NBEA: variants seen among roughly 807,000 people sequenced by gnomAD.
The protein encoded by NBEA is lysosomal-trafficking regulator 2.
Under a neutral mutation model 343.4 loss-of-function variants are expected in NBEA, and 44 were observed. The observed-to-expected ratio is 0.13, with a 90% confidence interval of 0.10 to 0.16. NBEA has a LOEUF of 0.16. NBEA is among the 10% of genes least tolerant of loss of function. The pLI is 1.00. For missense variants in NBEA, 2,555 were observed against 3,631.3 expected, an observed-to-expected ratio of 0.70 and a Z score of 7.62; for synonymous variants, 1,175 against 1,238.7, an observed-to-expected ratio of 0.95 and a Z score of 1.08.
At chr13:35,656,496 G>A (rs558481004) in intron 55 of NBEA, among the ~76,000 whole-genome samples, 3 of 152,294 alleles carry the variant, frequency 2.0e-5, no homozygotes, top group East Asian at 1.9e-4. Flanking sequence ...TTTTATTTAT[G>A]TAAGAGAAGT....
At chr13:34,968,049 A>G (rs2059880894) in intron 1 of NBEA, among the ~76,000 whole-genome samples, 1 of 152,118 alleles carries the variant, frequency 6.6e-6, no homozygotes, top group Non-Finnish European at 1.5e-5. Flanking sequence ...TGTAATCACT[A>G]GAATGACTCA....
chr13:34,999,808 G>GC (rs11421786), intron 1 of NBEA, among the ~76,000 whole-genome samples: 140,899 of 152,072 alleles, frequency 0.93, 65,764 homozygotes, highest in Non-Finnish European at 0.99. Context: ...TAGGTAACTT[G>GC]ATAAGGTTAT....
intron 17 of NBEA, among the ~76,000 whole-genome samples, chr13:35,139,483 T>TA (rs200227215): frequency 1.4e-4 from 21 of 151,048 alleles, no homozygotes; most frequent in East Asian, 3.9e-4. Context: ...CAAGATTCTG[T>TA]AAAAAAAAAT....
At chr13:35,264,416 C>G (rs1282069945) in intron 34 of NBEA, among the ~76,000 whole-genome samples, 1 of 151,828 alleles carries the variant, frequency 6.6e-6, no homozygotes, top group East Asian at 1.9e-4. Flanking sequence ...CCAGCATTTC[C>G]TTGATACCAA....
chr13:35,475,380 G>A (rs1215500739), intron 41 of NBEA: 1 of 1,613,834 alleles, frequency 6.2e-7, no homozygotes, highest in Admixed American at 1.7e-5. Context: ...AGGTTTTGAG[G>A]ATGGAGAGGC....
At chr13:35,075,940 A>AG (rs1491156187) in intron 10 of NBEA, among the ~76,000 whole-genome samples, 1 of 151,944 alleles carries the variant, frequency 6.6e-6, no homozygotes, top group East Asian at 1.9e-4. Context: ...TTCAGAAAAA[A>AG]TATCTATTAT....
chr13:35,433,862 T>C (rs1217767828), intron 39 of NBEA, among the ~76,000 whole-genome samples: 2 of 152,036 alleles, frequency 1.3e-5, no homozygotes, highest in Non-Finnish European at 2.9e-5. Flanking sequence ...CTTTATAATA[T>C]GATCTTAAAA....
intron 41 of NBEA, among the ~76,000 whole-genome samples, chr13:35,494,497 C>T (rs2076605842): frequency 6.6e-6 from 1 of 151,876 alleles, no homozygotes; most frequent in South Asian, 2.1e-4. Context: ...ACTGCAATTA[C>T]TTTTGCATCA....
intron 34 of NBEA, among the ~76,000 whole-genome samples, chr13:35,239,285 G>T (rs2075377762): frequency 6.6e-6 from 1 of 151,994 alleles, no homozygotes; most frequent in African/African-American, 2.4e-5. Flanking sequence ...ATAGCTACAT[G>T]ATATACATGA....
chr13:35,666,487 G>A (rs1224982520), intron 56 of NBEA, among the ~76,000 whole-genome samples: 2 of 151,512 alleles, frequency 1.3e-5, no homozygotes, highest in Admixed American at 1.3e-4. Flanking sequence ...GGGGCTGTGT[G>A]ATATTAGAGA....
chr13:35,437,618 G>C (rs959827241), intron 39 of NBEA, among the ~76,000 whole-genome samples: 2 of 152,200 alleles, frequency 1.3e-5, no homozygotes, highest in Non-Finnish European at 2.9e-5. Context: ...CTAATTTTGC[G>C]TGTATTTAAT....
chr13:35,288,694 T>C (rs1306665089), intron 34 of NBEA, among the ~76,000 whole-genome samples: 3 of 151,938 alleles, frequency 2.0e-5, no homozygotes, highest in Non-Finnish European at 4.4e-5. Context: ...TTTTCCAATT[T>C]TACTTCAATT....
intron 1 of NBEA, among the ~76,000 whole-genome samples, chr13:34,976,043 T>C (rs753181975): frequency 1.3e-5 from 2 of 152,202 alleles, no homozygotes; most frequent in Admixed American, 1.3e-4. Flanking sequence ...AAAGTAGATC[T>C]ACCCTTTGAT....
chr13:35,336,264 T>C (rs986614964), intron 36 of NBEA, among the ~76,000 whole-genome samples: 1 of 152,028 alleles, frequency 6.6e-6, no homozygotes, highest in Non-Finnish European at 1.5e-5. Flanking sequence ...AAAACATCAT[T>C]GCAAGGAGAC....
intron 34 of NBEA, among the ~76,000 whole-genome samples, chr13:35,249,018 A>T (rs1048162145): frequency 1.3e-5 from 2 of 152,002 alleles, no homozygotes; most frequent in Admixed American, 1.3e-4. Flanking sequence ...GCATGTTGGC[A>T]TATTGCTGTA....
chr13:35,118,101 A>G (rs2066599023), intron 14 of NBEA, 127 bp from the exon 15 acceptor site: 1 of 550,922 alleles, frequency 1.8e-6, no homozygotes, highest in Non-Finnish European at 3.0e-6. Context: ...ATGTGTGGGG[A>G]TTTTAATTAA....
intron 25 of NBEA, among the ~76,000 whole-genome samples, chr13:35,170,662 T>C (rs993056523): frequency 2.6e-5 from 4 of 151,864 alleles, no homozygotes; most frequent in Non-Finnish European, 2.9e-5. Flanking sequence ...GAATTAAATA[T>C]CTATAGATGA....
chr13:35,578,283 A>G (rs1169015063), intron 45 of NBEA, among the ~76,000 whole-genome samples: 2 of 152,188 alleles, frequency 1.3e-5, no homozygotes, highest in Admixed American at 6.5e-5. Context: ...AGATTTGGTC[A>G]AGTTTACCTG....
chr13:35,112,491 C>T (rs535398167), intron 13 of NBEA, among the ~76,000 whole-genome samples: 113 of 152,100 alleles, frequency 7.4e-4, no homozygotes, highest in Admixed American at 1.2e-3. Flanking sequence ...TGGTACAAAC[C>T]GAACAGCACC....
Sources: gnomAD v4.1 joint callset for allele counts (sites outside exome capture counted in the v4.1 genomes callset) on GRCh38, gnomAD v4.1.1 for gene constraint, MANE v1.5 for transcripts, NCBI Gene and HGNC (gene_info 2026-07-23, HGNC 2026-07-21) for gene names.